Variants in SORCS3 observed in about 807,000 individuals in gnomAD.
The protein encoded by SORCS3 is VPS10 domain-containing receptor SorCS3.
In SORCS3, 57 loss-of-function variants were observed where a neutral mutation model predicts 146.3. The ratio of observed to expected loss-of-function variants is 0.39; its 90% CI spans 0.31 to 0.49. The LOEUF (loss-of-function observed/expected upper bound fraction) is 0.49, where lower values mean the gene tolerates loss of function less well. Among genes scored for constraint, SORCS3 ranks in the 20% least tolerant of loss-of-function variants. The probability of loss-of-function intolerance (pLI) is 0.92; values close to 1 mark genes in which losing one functional copy is unlikely to be tolerated. For missense variants in SORCS3, 1,341 were observed against 1,575.5 expected, an observed-to-expected ratio of 0.85 and a Z score of 2.52; for synonymous variants, 653 against 618.5, an observed-to-expected ratio of 1.06 and a Z score of -0.83.
intron 18 of SORCS3, among the ~76,000 whole-genome samples, chr10:105,216,445 A>G (rs2056665566): frequency 6.6e-6 from 1 of 152,122 alleles, no homozygotes; most frequent in Non-Finnish European, 1.5e-5. Context: ...TGTACTCACT[A>G]TGAAACTTTG....
At chr10:105,102,117 T>G (rs2133750683) in intron 6 of SORCS3, among the ~76,000 whole-genome samples, 1 of 152,326 alleles carries the variant, frequency 6.6e-6, no homozygotes, top group African/African-American at 2.4e-5. Context: ...TTGGACAAGC[T>G]GTTGCTACAG....
At chr10:105,131,023 A>T (rs896433619) in intron 7 of SORCS3, among the ~76,000 whole-genome samples, 4 of 152,132 alleles carry the variant, frequency 2.6e-5, no homozygotes, top group Non-Finnish European at 5.9e-5. Context: ...CTAGGGCCAG[A>T]CTGACATGTA....
Position 105,261,274 on chromosome 10 carries a change from C to T in SORCS3, c.3444-1057C>T, listed in dbSNP as rs531866847. ...ATAGTCAGGGGAAGCCTCTCAGAGA[C>T]GACATGTAAGCCAAGCTCTGAGAAG... is the stretch of plus-strand genomic sequence containing the variant. On this transcript the variant is annotated intron_variant, in intron 25 of 26. Transcript: ENST00000369701. Among the ~76,000 whole-genome samples the T allele has an allele frequency of 1.6e-4, 24 of 152,274 alleles. No individual in the cohort carries two copies. In the East Asian group the frequency reaches 2.9e-3, roughly 18 times the overall value.
chr10:104,887,801 G>A (rs1480668304), intron 2 of SORCS3, among the ~76,000 whole-genome samples: 1 of 152,156 alleles, frequency 6.6e-6, no homozygotes, highest in Admixed American at 6.5e-5. Flanking sequence ...TTCTGTGGAT[G>A]TTTTAAGTTC....
intron 2 of SORCS3, among the ~76,000 whole-genome samples, chr10:104,912,848 C>T (rs533268112): frequency 4.1e-4 from 62 of 152,100 alleles, no homozygotes; most frequent in African/African-American, 1.4e-3. Flanking sequence ...CAAGATAGTA[C>T]GGGACCACAG....
intron 9 of SORCS3, among the ~76,000 whole-genome samples, chr10:105,152,336 A>T (rs1435000402): frequency 6.6e-6 from 1 of 152,216 alleles, no homozygotes; most frequent in African/African-American, 2.4e-5. Flanking sequence ...AACAGACAAA[A>T]TTAATTTTAA....
intron 7 of SORCS3, among the ~76,000 whole-genome samples, chr10:105,113,177 T>G (rs751825886): frequency 6.6e-6 from 1 of 152,328 alleles, no homozygotes; most frequent in South Asian, 2.1e-4. Flanking sequence ...AATCACTGAC[T>G]TTTTGCAGCC....
At chr10:104,853,800 T>C (rs2451468) in intron 2 of SORCS3, among the ~76,000 whole-genome samples, 11,765 of 152,286 alleles carry the variant, frequency 0.077, 575 homozygotes, top group African/African-American at 0.14. Flanking sequence ...TGGATTCTAG[T>C]GTACAGATAA....
chr10:104,692,175 C>T (rs1486267410), intron 1 of SORCS3, among the ~76,000 whole-genome samples: 2 of 152,058 alleles, frequency 1.3e-5, no homozygotes, highest in African/African-American at 4.8e-5. Context: ...CCTTTTTCCT[C>T]CTTCCTTCTC....
chr10:104,684,779 G>GTTTTTTTTT (rs764055039), intron 1 of SORCS3, among the ~76,000 whole-genome samples: 1 of 81,576 alleles, frequency 1.2e-5, no homozygotes, highest in Non-Finnish European at 2.3e-5. Context: ...AGTCCTCAGT[G>GTTTTTTTTT]TTTTTTTTTT....
intron 2 of SORCS3, among the ~76,000 whole-genome samples, chr10:104,912,751 T>G (rs913290886): frequency 3.3e-5 from 5 of 152,182 alleles, no homozygotes; most frequent in Admixed American, 3.3e-4. Context: ...GGTTCTAGTC[T>G]TCAAGGAGTT....
intron 3 of SORCS3, among the ~76,000 whole-genome samples, chr10:104,944,949 A>C (rs2019355428): frequency 6.6e-6 from 1 of 152,214 alleles, no homozygotes; most frequent in Non-Finnish European, 1.5e-5. Context: ...CATATTTGTC[A>C]ACAGCAAAAT....
chr10:104,975,690 ATGGTAC>A (rs2054892387), intron 3 of SORCS3, among the ~76,000 whole-genome samples: 1 of 152,236 alleles, frequency 6.6e-6, no homozygotes, highest in South Asian at 2.1e-4. Context: ...CCAAAACAAC[ATGGTAC>A]TGGTACCAAA....
chr10:104,842,721 A>G, intron 1 of SORCS3, 71 bp from the exon 2 acceptor site: 1 of 1,198,302 alleles, frequency 8.3e-7, no homozygotes, highest in East Asian at 2.4e-5. Flanking sequence ...ATTGTTACAC[A>G]AACTAAAGTA....
Position 105,188,440 on chromosome 10 carries a change from C to G in SORCS3, c.2009+10267C>G, listed in dbSNP as rs536095067. 7.2e-5 allele frequency among the ~76,000 whole-genome samples: 11 copies of G among 152,216 alleles called. No individual in the cohort carries two copies. The South Asian group carries it at 2.3e-3, about 32-fold the overall frequency. On this transcript the variant is annotated intron_variant, in intron 14 of 26. Transcript: ENST00000369701. ...CTTACTCTCCCTTTGAGGTTGTGAT[C>G]TGGAGGAAGAAAGAGCCTCAACTGT...
intron 3 of SORCS3, among the ~76,000 whole-genome samples, chr10:104,937,429 A>G (rs999849125): frequency 6.6e-6 from 1 of 152,242 alleles, no homozygotes; most frequent in Non-Finnish European, 1.5e-5. Context: ...TGCCAAATAT[A>G]TAAATTCATT....
At chr10:105,102,223 G>A (rs1167438155) in intron 6 of SORCS3, among the ~76,000 whole-genome samples, 1 of 150,716 alleles carries the variant, frequency 6.6e-6, no homozygotes, top group Non-Finnish European at 1.5e-5. Context: ...CATTGAACAT[G>A]CACACATGTG....
chr10:105,182,230 CTTTTTTTTTTTTT>C (rs11340368), intron 14 of SORCS3, among the ~76,000 whole-genome samples: 1 of 70,486 alleles, frequency 1.4e-5, no homozygotes, highest in African/African-American at 5.3e-5. Context: ...TATTCAGCAT[CTTTTTTTTTTTTT>C]TTTTTTTTTT....
chr10:104,958,817 G>A (rs890277114), intron 3 of SORCS3, among the ~76,000 whole-genome samples: 1 of 152,166 alleles, frequency 6.6e-6, no homozygotes, highest in South Asian at 2.1e-4. Context: ...ATGGTGGAAG[G>A]TGAAGGGGAA....
Sources: allele counts gnomAD v4.1 joint callset (sites outside exome capture counted in the v4.1 genomes callset), GRCh38; gene constraint gnomAD v4.1.1; transcripts MANE v1.5; gene names NCBI Gene and HGNC (gene_info 2026-07-23, HGNC 2026-07-21).